The following SKAP1 variants were observed in gnomAD, a reference collection of about 807,000 sequenced individuals.
SKAP1 encodes the protein src kinase associated phosphoprotein 1.
In SKAP1, 44 loss-of-function variants were observed where a neutral mutation model predicts 58.5. That is an observed-to-expected ratio of 0.75 (90% confidence interval 0.59 to 0.97). The LOEUF is 0.97. Among genes scored for constraint, SKAP1 ranks in the 50% least tolerant of loss-of-function variants. SKAP1 has a pLI of 0.00. For missense variants in SKAP1, 390 were observed against 435.2 expected (o/e 0.90, Z 0.92); for synonymous variants, 127 against 149.7 (o/e 0.85, Z 1.11).
chr17:48,267,131 T>TGTTC (rs2065562069), intron 4 of SKAP1, among the ~76,000 whole-genome samples: 1 of 152,236 alleles, frequency 6.6e-6, no homozygotes, highest in African/African-American at 2.4e-5. Flanking sequence ...GGGCTCTGAA[T>TGTTC]GTTCCTACAG....
At chr17:48,321,541 C>T (rs948442641) in intron 4 of SKAP1, among the ~76,000 whole-genome samples, 7 of 151,964 alleles carry the variant, frequency 4.6e-5, no homozygotes, top group Admixed American at 2.0e-4. Flanking sequence ...CCACGCCCGG[C>T]TAATTTTTTT....
intron 1 of SKAP1, among the ~76,000 whole-genome samples, chr17:48,403,430 T>C (rs1274945041): frequency 1.3e-5 from 2 of 151,672 alleles, no homozygotes. Flanking sequence ...AAAATATATA[T>C]ACATATATAT....
intron 11 of SKAP1, among the ~76,000 whole-genome samples, chr17:48,145,009 G>T (rs953779619): frequency 3.0e-4 from 45 of 151,998 alleles, no homozygotes; most frequent in African/African-American, 1.0e-3. Context: ...ATACAAAATT[G>T]TTCAATGAAG....
At chr17:48,135,723 G>T (rs1268925948) in intron 12 of SKAP1, among the ~76,000 whole-genome samples, 3 of 152,036 alleles carry the variant, frequency 2.0e-5, no homozygotes, top group Non-Finnish European at 4.4e-5. Flanking sequence ...CTCCTGCCTT[G>T]GCCTCCTGAA....
At chr17:48,189,534 A>C (rs1312765973) in intron 4 of SKAP1, 34 bp from the exon 5 acceptor site, 1 of 1,546,830 alleles carries the variant, frequency 6.5e-7, no homozygotes, top group Non-Finnish European at 8.9e-7. Context: ...CTTTATTGAA[A>C]CCTGGCAAAA....
At chr17:48,386,110 C>G (rs2067272954) in intron 2 of SKAP1, among the ~76,000 whole-genome samples, 1 of 152,016 alleles carries the variant, frequency 6.6e-6, no homozygotes, top group Non-Finnish European at 1.5e-5. Flanking sequence ...TCCTAACACT[C>G]AGTAAAAAGA....
At chr17:48,137,999 C>G (rs948769256) in intron 11 of SKAP1, among the ~76,000 whole-genome samples, 1 of 152,144 alleles carries the variant, frequency 6.6e-6, no homozygotes, top group Non-Finnish European at 1.5e-5. Context: ...ATAGTAGATG[C>G]TCTAAACATT....
intron 4 of SKAP1, among the ~76,000 whole-genome samples, chr17:48,201,162 G>A (rs917974251): frequency 5.9e-5 from 9 of 152,096 alleles, no homozygotes; most frequent in South Asian, 2.1e-4. Context: ...GTATCACAGC[G>A]CTGAGAATGA....
At chr17:48,281,988 C>T (rs1294571006) in intron 4 of SKAP1, among the ~76,000 whole-genome samples, 2 of 152,106 alleles carry the variant, frequency 1.3e-5, no homozygotes, top group Non-Finnish European at 2.9e-5. Context: ...ACATATTCTA[C>T]AGTTAAAAAA....
intron 4 of SKAP1, among the ~76,000 whole-genome samples, chr17:48,311,437 C>T (rs1414353953): frequency 6.6e-6 from 1 of 152,084 alleles, no homozygotes; most frequent in Non-Finnish European, 1.5e-5. Context: ...ATTAGCCAGG[C>T]TGAGTGTCAC....
At chr17:48,239,850 CAGAGAG>C (rs71141976) in intron 4 of SKAP1, among the ~76,000 whole-genome samples, 114 of 129,848 alleles carry the variant, frequency 8.8e-4, no homozygotes, top group Middle Eastern at 4.3e-3. Flanking sequence ...GAGAGAGAGA[CAGAGAG>C]AGAGAGAGAG....
At chr17:48,261,314 G>A (rs900272468) in intron 4 of SKAP1, among the ~76,000 whole-genome samples, 1 of 152,134 alleles carries the variant, frequency 6.6e-6, no homozygotes, top group Non-Finnish European at 1.5e-5. Context: ...ACATGCCTGT[G>A]ACTCACTCTG....
At chr17:48,372,117 G>A (rs1181604344) in intron 2 of SKAP1, among the ~76,000 whole-genome samples, 4 of 151,238 alleles carry the variant, frequency 2.6e-5, no homozygotes, top group Admixed American at 6.6e-5. Context: ...GATTACAAAC[G>A]TGTGCCACCA....
At chr17:48,423,932 T>C (rs912989418) in intron 1 of SKAP1, among the ~76,000 whole-genome samples, 20 of 151,836 alleles carry the variant, frequency 1.3e-4, no homozygotes, top group African/African-American at 4.8e-5. Context: ...CGATTTTTAT[T>C]TTAAGACATT....
At chr17:48,308,809 A>T (rs543937684) in intron 4 of SKAP1, 1 of 152,294 alleles carries the variant, frequency 6.6e-6, no homozygotes, top group East Asian at 1.9e-4. Flanking sequence ...GATTTTTGCC[A>T]GGATTAAATG....
intron 2 of SKAP1, among the ~76,000 whole-genome samples, chr17:48,386,917 C>G (rs1183166423): frequency 6.6e-6 from 1 of 152,212 alleles, no homozygotes; most frequent in African/African-American, 2.4e-5. Context: ...AGACTGAGAA[C>G]AGCAATTAAT....
chr17:48,353,897 CAA>C (rs200738005), intron 3 of SKAP1, among the ~76,000 whole-genome samples: 17 of 60,762 alleles, frequency 2.8e-4, no homozygotes, highest in Non-Finnish European at 3.2e-4. Flanking sequence ...GACTCTGTCT[CAA>C]AAAAAAAAAA....
chr17:48,409,595 G>A (rs1020242497), intron 1 of SKAP1, among the ~76,000 whole-genome samples: 6 of 151,412 alleles, frequency 4.0e-5, no homozygotes, highest in Non-Finnish European at 7.4e-5. Flanking sequence ...CTTGAACAGG[G>A]AGGCATAGGT....
intron 4 of SKAP1, among the ~76,000 whole-genome samples, chr17:48,345,094 C>T (rs546719961): frequency 1.3e-4 from 20 of 152,270 alleles, no homozygotes; most frequent in Admixed American, 4.6e-4. Context: ...GAAAACCATG[C>T]GCATCCATGA....
Sources: gnomAD v4.1 joint callset for allele counts (sites outside exome capture counted in the v4.1 genomes callset) on GRCh38, gnomAD v4.1.1 for gene constraint, MANE v1.5 for transcripts, NCBI Gene and HGNC (gene_info 2026-07-23, HGNC 2026-07-21) for gene names.